Variants in EPB41 observed in about 807,000 individuals in gnomAD.
EPB41 encodes protein 4.1.
Under a neutral mutation model 108.0 loss-of-function variants are expected in EPB41, and 65 were observed. The ratio of observed to expected loss-of-function variants is 0.60; its 90% CI spans 0.49 to 0.74. The LOEUF is 0.74. Among genes scored for constraint, EPB41 ranks in the 30% least tolerant of loss-of-function variants. The probability of loss-of-function intolerance (pLI) is 0.00; values close to 1 mark genes in which losing one functional copy is unlikely to be tolerated. For missense variants in EPB41, 875 were observed against 1,037.0 expected, an observed-to-expected ratio of 0.84 and a Z score of 2.15; for synonymous variants, 336 against 358.9, an observed-to-expected ratio of 0.94 and a Z score of 0.72.
intron 1 of EPB41, among the ~76,000 whole-genome samples, chr1:28,932,407 G>GT (rs1553172883): frequency 1.3e-5 from 2 of 151,396 alleles, no homozygotes; most frequent in African/African-American, 4.8e-5. Flanking sequence ...ACAGGCATGA[G>GT]CATCATGCCT....
At chr1:28,916,115 T>C (rs1208929835) in intron 1 of EPB41, among the ~76,000 whole-genome samples, 1 of 152,152 alleles carries the variant, frequency 6.6e-6, no homozygotes, top group Non-Finnish European at 1.5e-5. Flanking sequence ...AAATTTTTGG[T>C]TTGGGGTGTT....
At chr1:29,039,223 A>G in intron 10 of EPB41, 31 bp from the exon 11 acceptor site, 1 of 1,599,976 alleles carries the variant, frequency 6.3e-7, no homozygotes, top group Non-Finnish European at 8.6e-7. Context: ...ATGAATATAT[A>G]ATAATATGAC....
chr1:28,968,990 A>AAAC (rs2095430156), intron 1 of EPB41, among the ~76,000 whole-genome samples: 1 of 146,956 alleles, frequency 6.8e-6, no homozygotes, highest in Non-Finnish European at 1.5e-5. Context: ...CCCAAAAAAA[A>AAAC]AACACAAACT....
chr1:29,070,503 C>T (rs149493430), intron 16 of EPB41: 2 of 1,232,108 alleles, frequency 1.6e-6, no homozygotes, highest in South Asian at 4.1e-5. Flanking sequence ...GATCACAAGT[C>T]TCTCAAAAAG....
At chr1:29,013,800 A>G (rs968816046) in intron 5 of EPB41, among the ~76,000 whole-genome samples, 1 of 141,132 alleles carries the variant, frequency 7.1e-6, no homozygotes, top group Non-Finnish European at 1.5e-5. Context: ...AAGTGTTGGG[A>G]TTACAGGCGT....
intron 1 of EPB41, among the ~76,000 whole-genome samples, chr1:28,971,810 T>G (rs554353000): frequency 6.6e-5 from 10 of 152,136 alleles, no homozygotes; most frequent in Non-Finnish European, 7.4e-5. Context: ...AACGACTCAA[T>G]TATGGTCTAT....
chr1:29,095,771 C>CAAAA (rs564313202), intron 16 of EPB41, among the ~76,000 whole-genome samples: 1 of 126,158 alleles, frequency 7.9e-6, no homozygotes. Context: ...GACCCTGTCT[C>CAAAA]AAAAAAAAAA....
chr1:28,899,957 G>T (rs547336881), intron 1 of EPB41, among the ~76,000 whole-genome samples: 1 of 152,110 alleles, frequency 6.6e-6, no homozygotes, highest in African/African-American at 2.4e-5. Flanking sequence ...CCCCTATAAC[G>T]TGGGGAAAAT....
At chr1:29,062,462 A>C (rs1033078859) in intron 15 of EPB41, among the ~76,000 whole-genome samples, 5 of 152,220 alleles carry the variant, frequency 3.3e-5, no homozygotes, top group Non-Finnish European at 5.9e-5. Context: ...TTGGAAATTA[A>C]AACCACTAAC....
chr1:29,006,174 C>T (rs2096395980), intron 4 of EPB41, among the ~76,000 whole-genome samples: 1 of 151,956 alleles, frequency 6.6e-6, no homozygotes, highest in Non-Finnish European at 1.5e-5. Context: ...TATTGCCTTA[C>T]TGCATATTAG....
chr1:29,038,947 A>G (rs1203237603), intron 10 of EPB41, among the ~76,000 whole-genome samples: 2 of 152,238 alleles, frequency 1.3e-5, no homozygotes, highest in Admixed American at 6.5e-5. Flanking sequence ...TCAGTTTCCT[A>G]TATCTATAAA....
Position 28,987,884 on chromosome 1 carries a change from A to G in EPB41, c.447A>G (p.Ser149=). Residue 149 remains serine, a synonymous_variant, in exon 2 of 21, where the codon TCA becomes TCG. Coordinates refer to ENST00000343067, the MANE Select transcript of EPB41 (RefSeq NM_001376013.1). ...CAGACCCATCTTTGGATCTTCATTC[A>G]TTAAGCAGTGCAGAAACACAGGTAA... ...LKTDPSLDLH[S]LSSAETQPAQ... is the part of the protein sequence containing the mutation. 6.2e-7 allele frequency: 1 copy of G among 1,614,244 alleles called. No homozygotes were observed. Among genetic ancestry groups the G allele is most frequent in the Non-Finnish European group, 8.5e-7 (1 of 1,180,034 alleles).
intron 1 of EPB41, among the ~76,000 whole-genome samples, chr1:28,965,443 A>C (rs2095333921): frequency 6.6e-6 from 1 of 152,130 alleles, no homozygotes; most frequent in South Asian, 2.1e-4. Context: ...TACTTAAGAG[A>C]ATAAGGTGTA....
At chr1:28,981,829 C>T (rs1208554879) in intron 1 of EPB41, among the ~76,000 whole-genome samples, 1 of 151,686 alleles carries the variant, frequency 6.6e-6, no homozygotes, top group Non-Finnish European at 1.5e-5. Flanking sequence ...TATGTGGTGG[C>T]AGCCCATCAT....
At chr1:29,082,571 C>T (rs1657161305) in intron 16 of EPB41, among the ~76,000 whole-genome samples, 1 of 152,184 alleles carries the variant, frequency 6.6e-6, no homozygotes, top group Non-Finnish European at 1.5e-5. Flanking sequence ...CTGGTCATAG[C>T]TCCTTTTTCT....
chr1:29,058,838 A>G lies in EPB41; in HGVS notation c.1930A>G (p.Ile644Val), dbSNP rs201674226. The change falls in exon 14 of 21, where the codon ATA (isoleucine) becomes GTA (valine). Residue 644 changes from isoleucine to valine, a missense_variant. Physicochemically the swap from Ile to Val is conservative, Grantham distance 29. This residue lies in a region of EPB41 where 519 missense variants were observed against 627.3 expected (regional missense o/e 0.83). Coordinates refer to ENST00000343067, the MANE Select transcript of EPB41 (RefSeq NM_001376013.1). ...QKLAEKTEDL[I>V]RMRKKKRERL... is the part of the protein sequence containing the mutation. ...GCTTGCAGAAAAAACTGAAGATCTG[A>G]TAAGAATGAGGAAGGTTAGCCATTT... 576 of 1,550,856 alleles carry G rather than the reference A, an allele frequency of 3.7e-4. 2 individuals are homozygous for G. The highest frequency in any genetic ancestry group is 4.6e-4 in the Non-Finnish European group (524 of 1,146,774).
chr1:29,008,029 A>G (rs1445418478), intron 4 of EPB41, among the ~76,000 whole-genome samples: 2 of 152,188 alleles, frequency 1.3e-5, no homozygotes, highest in Non-Finnish European at 2.9e-5. Flanking sequence ...ATTTAAATAT[A>G]TTACAATTTA....
intron 1 of EPB41, among the ~76,000 whole-genome samples, chr1:28,893,169 C>T (rs2090311300): frequency 6.6e-6 from 1 of 152,048 alleles, no homozygotes; most frequent in South Asian, 2.1e-4. Context: ...TCAGCCTTGA[C>T]CTCCTGGGCT....
At chr1:29,027,854 C>T (rs1470411751) in intron 7 of EPB41, among the ~76,000 whole-genome samples, 5 of 151,870 alleles carry the variant, frequency 3.3e-5, no homozygotes, top group East Asian at 1.9e-4. Flanking sequence ...GACGGAGTTT[C>T]GCTCTTGTTG....
Sources: gnomAD v4.1 joint callset for allele counts (sites outside exome capture counted in the v4.1 genomes callset) on GRCh38, gnomAD v4.1.1 for gene constraint, gnomAD v4.1.1 regional missense constraint, MANE v1.5 for transcripts, NCBI Gene and HGNC (gene_info 2026-07-23, HGNC 2026-07-21) for gene names.